VPS37A: variants seen among roughly 807,000 people sequenced by gnomAD.
VPS37A encodes VPS37A subunit of ESCRT-I, also known as vacuolar protein sorting-associated protein 37A.
Under a neutral mutation model 49.8 loss-of-function variants are expected in VPS37A, and 30 were observed. The ratio of observed to expected loss-of-function variants is 0.60; its 90% confidence interval spans 0.45 to 0.82. The LOEUF is 0.82. Ranked by LOEUF, VPS37A falls within the 40% of genes least tolerant of loss-of-function variation. The probability of loss-of-function intolerance (pLI) is 0.00; values close to 1 mark genes in which losing one functional copy is unlikely to be tolerated. For missense variants in VPS37A, 593 were observed against 464.4 expected, an observed-to-expected ratio of 1.28 and a Z score of -2.55; for synonymous variants, 195 against 160.6, an observed-to-expected ratio of 1.21 and a Z score of -1.62.
At chr8:17,331,386 T>C in the VPS37A span, 21 of 1,239,554 alleles carry the variant, frequency 1.7e-5, no homozygotes, top group Middle Eastern at 1.9e-4. Context: ...TTCAGAATGA[T>C]GTACGGAAAC....
In VPS37A at chr8:17,268,401, GTAATA is replaced by G. The variant is rs750011614; in HGVS notation, c.315+35_315+39del. ...TGTATATGGGATAATTTATTTCAGG[GTAATA>G]TAATAGGTGTATTACTTTTCTACTA... On this transcript the variant is annotated intron_variant, in intron 3 of 11. Coordinates refer to ENST00000324849, the MANE Select transcript of VPS37A (RefSeq NM_152415.3). The G allele has an allele frequency of 2.9e-5, 43 of 1,466,864 alleles. No individual in the cohort carries two copies. In the Admixed American group the frequency reaches 7.7e-4, roughly 26 times the overall value. 90.9% of individuals were successfully genotyped at this position (1,466,864 alleles called of 1,614,324 possible).
chr8:17,268,406 A>G (rs753052956), intron 3 of VPS37A, 34 bp downstream of exon 3: 9 of 1,427,378 alleles, frequency 6.3e-6, no homozygotes, highest in East Asian at 2.3e-5. Flanking sequence ...TCAGGGTAAT[A>G]TAATAGGTGT....
chr8:17,333,177 C>G, the VPS37A span, among the ~76,000 whole-genome samples: 1 of 152,102 alleles, frequency 6.6e-6, no homozygotes, highest in Non-Finnish European at 1.5e-5. Flanking sequence ...TGTTCCCATC[C>G]ACAAAAGGGT....
At chr8:17,299,421 T>G, downstream of VPS37A, 1 of 159,256 alleles carries the variant, frequency 6.3e-6, no homozygotes. Flanking sequence ...TATAAGAGGG[T>G]CGGAAAGGAG....
intron 6 of VPS37A, chr8:17,279,704 CTTTATT>C (rs1403677036): frequency 4.7e-6 from 2 of 429,858 alleles, no homozygotes; most frequent in African/African-American, 4.1e-5. Context: ...GTTAAGTTGA[CTTTATT>C]TTTAATTTCA....
intron 1 of VPS37A, among the ~76,000 whole-genome samples, chr8:17,259,334 A>G (rs79081248): frequency 0.048 from 7,237 of 152,024 alleles, 234 homozygotes; most frequent in African/African-American, 0.089. Context: ...TTGTCACCCC[A>G]TTGGCTGTTC....
chr8:17,262,479 T>C (rs188895831), intron 1 of VPS37A, among the ~76,000 whole-genome samples: 1 of 152,244 alleles, frequency 6.6e-6, no homozygotes, highest in African/African-American at 2.4e-5. Flanking sequence ...ACCATAGTAA[T>C]TCTCTTCTCC....
intron 9 of VPS37A, among the ~76,000 whole-genome samples, chr8:17,280,711 G>T (rs1814978287): frequency 6.6e-6 from 1 of 151,906 alleles, no homozygotes; most frequent in African/African-American, 2.4e-5. Flanking sequence ...TGAAACCATT[G>T]TAACACTTGT....
chr8:17,303,913 A>T (rs140625612), downstream of VPS37A, among the ~76,000 whole-genome samples: 1 of 152,342 alleles, frequency 6.6e-6, no homozygotes, highest in Non-Finnish European at 1.5e-5. Flanking sequence ...TACTTCCAGT[A>T]GGACTTAATT....
In VPS37A at chr8:17,288,482, G is replaced by C. The variant is rs951865089; in HGVS notation, c.*2055G>C. ...GAGAACATGCATTAGTTGGTTTTCT[G>C]TTCCCGTGTTAGTTTCCTGAGAATG... On this transcript the variant is annotated intron_variant, in intron 11 of 11. Transcript: ENST00000324849. Among the ~76,000 whole-genome samples the C allele has an allele frequency of 1.4e-4, 21 of 152,052 alleles. 1 individual carries two copies. The highest frequency in any genetic ancestry group is 2.1e-4 in the Non-Finnish European group (14 of 68,032).
the VPS37A span, among the ~76,000 whole-genome samples, chr8:17,323,521 T>C: frequency 2.0e-5 from 3 of 152,004 alleles, no homozygotes; most frequent in Non-Finnish European, 2.9e-5. Flanking sequence ...GTTGAGAGGC[T>C]GGAAAGTCCG....
intron 1 of VPS37A, among the ~76,000 whole-genome samples, chr8:17,263,385 G>C (rs773303310): frequency 2.2e-4 from 34 of 152,066 alleles, no homozygotes; most frequent in Admixed American, 4.6e-4. Flanking sequence ...GTACTTATCT[G>C]TTGTTTAATG....
At chr8:17,260,837 T>G (rs1478294193) in intron 1 of VPS37A, among the ~76,000 whole-genome samples, 1 of 152,324 alleles carries the variant, frequency 6.6e-6, no homozygotes, top group Middle Eastern at 3.4e-3. Context: ...AGAAGTCTGT[T>G]GCCAGACCAA....
rs202036712 is a variant in VPS37A at position 17,280,459 on chromosome 8, T to G, written c.969+16T>G. On this transcript the variant is annotated intron_variant, in intron 9 of 11. Coordinates refer to ENST00000324849, the MANE Select transcript of VPS37A (RefSeq NM_152415.3). ...ACTTAGTGAGGTAAGACTGTTTATT[T>G]TTTTCCCTTTGCCATAGATTTTTTT... 5.7e-6 allele frequency: 9 copies of G among 1,578,594 alleles called. No homozygotes were observed. Among genetic ancestry groups the G allele is most frequent in the Non-Finnish European group, 7.7e-6 (9 of 1,170,282 alleles).
the VPS37A span, among the ~76,000 whole-genome samples, chr8:17,309,601 A>G: frequency 3.3e-5 from 5 of 152,296 alleles, no homozygotes; most frequent in South Asian, 1.0e-3. Flanking sequence ...CACTGTTCAC[A>G]TTGCTTTACG....
At chr8:17,258,595 A>G (rs892256846) in intron 1 of VPS37A, among the ~76,000 whole-genome samples, 1 of 151,974 alleles carries the variant, frequency 6.6e-6, no homozygotes, top group South Asian at 2.1e-4. Flanking sequence ...ATTGGCCTGT[A>G]GTTTTCTTTT....
At chr8:17,263,890 A>G (rs1002470169) in intron 1 of VPS37A, among the ~76,000 whole-genome samples, 1 of 152,164 alleles carries the variant, frequency 6.6e-6, no homozygotes, top group African/African-American at 2.4e-5. Context: ...CTAGTGAGCC[A>G]AGATCGTGTC....
the VPS37A span, among the ~76,000 whole-genome samples, chr8:17,307,603 A>G: frequency 6.6e-6 from 1 of 152,240 alleles, no homozygotes; most frequent in African/African-American, 2.4e-5. Context: ...TTATAGCGGC[A>G]CTATTCACAA....
chr8:17,285,503 A>C (rs1308606260), intron 10 of VPS37A, among the ~76,000 whole-genome samples: 1 of 152,232 alleles, frequency 6.6e-6, no homozygotes, highest in Non-Finnish European at 1.5e-5. Context: ...CAAAATATTT[A>C]CCTAATTTGT....
Sources: gnomAD v4.1 joint callset for allele counts (sites outside exome capture counted in the v4.1 genomes callset) on GRCh38, gnomAD v4.1.1 for gene constraint, MANE v1.5 for transcripts, NCBI Gene and HGNC (gene_info 2026-07-23, HGNC 2026-07-21) for gene names.